OLFM2: variants seen among roughly 807,000 people sequenced by gnomAD.
The protein encoded by OLFM2 is olfactomedin 2, also known as noelin-2.
In OLFM2, 20 loss-of-function variants were observed where a neutral mutation model predicts 43.9. The ratio of observed to expected loss-of-function variants is 0.46; its 90% CI spans 0.32 to 0.66. The LOEUF is 0.66. Among genes scored for constraint, OLFM2 ranks in the 30% least tolerant of loss-of-function variants. OLFM2 has a pLI of 0.04. For synonymous variants in OLFM2, 268 were observed against 278.6 expected, an observed-to-expected ratio of 0.96 and a Z score of 0.38; for missense variants, 416 against 643.6, an observed-to-expected ratio of 0.65 and a Z score of 3.83.
intron 1 of OLFM2, among the ~76,000 whole-genome samples, chr19:9,924,500 C>A (rs547833241): frequency 6.6e-6 from 1 of 151,990 alleles, no homozygotes; most frequent in South Asian, 2.1e-4. Context: ...CTGAAGCCAT[C>A]CTTCCGCCTT....
chr19:9,925,857 G>A lies in OLFM2; in HGVS notation c.63+10447C>T, dbSNP rs186085720. On this transcript the variant is annotated intron_variant, in intron 1 of 5. Transcript: ENST00000264833. ...GCCCAAAGGTGAAAACAACCAGGCC[G>A]GGCGCGGTGGCTCACACCTGTAATC... Among the ~76,000 whole-genome samples, 13 of 151,836 alleles carry A rather than the reference G, an allele frequency of 8.6e-5. No homozygotes were observed. The East Asian group carries it at 1.8e-3, about 21-fold the overall frequency.
intron 1 of OLFM2, among the ~76,000 whole-genome samples, chr19:9,888,958 T>C (rs1050211869): frequency 1.3e-5 from 2 of 151,198 alleles, no homozygotes; most frequent in African/African-American, 2.4e-5. Context: ...CCCAGCTACT[T>C]GGGAGGCTGA....
At chr19:9,914,824 C>G (rs888656882) in intron 1 of OLFM2, among the ~76,000 whole-genome samples, 1 of 152,056 alleles carries the variant, frequency 6.6e-6, no homozygotes, top group African/African-American at 2.4e-5. Flanking sequence ...CTCACGCCCC[C>G]TCCTGGCGTC....
At chr19:9,926,408 C>T (rs1300091179) in intron 1 of OLFM2, among the ~76,000 whole-genome samples, 3 of 151,656 alleles carry the variant, frequency 2.0e-5, no homozygotes, top group Non-Finnish European at 2.9e-5. Context: ...AAAAATTAGC[C>T]GGGCGTGGTG....
At chr19:9,905,405 C>T (rs932076219) in intron 1 of OLFM2, among the ~76,000 whole-genome samples, 6 of 151,864 alleles carry the variant, frequency 4.0e-5, no homozygotes, top group African/African-American at 1.2e-4. Context: ...TGCAGTGAGC[C>T]GAGATTGCGC....
chr19:9,907,582 C>G (rs1304277779), intron 1 of OLFM2, among the ~76,000 whole-genome samples: 1 of 152,166 alleles, frequency 6.6e-6, no homozygotes, highest in African/African-American at 2.4e-5. Flanking sequence ...AAGCCTCTGC[C>G]GTCCAAGAAT....
At chr19:9,908,072 G>C (rs544321006) in intron 1 of OLFM2, among the ~76,000 whole-genome samples, 1 of 151,862 alleles carries the variant, frequency 6.6e-6, no homozygotes, top group Non-Finnish European at 1.5e-5. Context: ...CCCTCCCCAC[G>C]ACATGATATG....
At chr19:9,888,751 G>T (rs1267230581) in intron 1 of OLFM2, among the ~76,000 whole-genome samples, 1 of 152,098 alleles carries the variant, frequency 6.6e-6, no homozygotes, top group East Asian at 1.9e-4. Context: ...GCACACAACA[G>T]GCACCTGGTA....
chr19:9,875,100 G>C (rs915580454), intron 1 of OLFM2, among the ~76,000 whole-genome samples: 3 of 152,218 alleles, frequency 2.0e-5, no homozygotes, highest in African/African-American at 7.2e-5. Context: ...AGATCTAGAA[G>C]AGTTCACGGC....
chr19:9,913,849 G>A (rs914917585), intron 1 of OLFM2: 2 of 199,420 alleles, frequency 1.0e-5, no homozygotes, highest in Admixed American at 6.6e-5. Flanking sequence ...TCGGGCCCCC[G>A]CCCCCTCCCG....
rs1555727615 is a variant in OLFM2, at chr19:9,904,182, G to GTGTGTGTGTA, written c.63+32121_63+32122insTACACACACA. ...TGTGTGTGTGTGTGTGTGTGTGTGT[G>GTGTGTGTGTA]TGTGTGTGTGTGTGTGTGTGTGTTT... On this transcript the variant is annotated intron_variant, in intron 1 of 5. Transcript: ENST00000264833. Among the ~76,000 whole-genome samples, 446 of 151,036 alleles carry GTGTGTGTGTA rather than the reference G, an allele frequency of 3.0e-3. 4 individuals carry two copies. The highest frequency in any genetic ancestry group is 0.011 in the African/African-American group (434 of 41,062).
At chr19:9,894,365 A>G (rs902476139) in intron 1 of OLFM2, among the ~76,000 whole-genome samples, 1 of 140,614 alleles carries the variant, frequency 7.1e-6, no homozygotes. Flanking sequence ...CAACAGAGTG[A>G]GACTCTCTCT....
At position 9,853,941 on chromosome 19, in the gene OLFM2, A is replaced by C; in HGVS notation, c.*245T>G. ...GGAGAACCAGAGCCATAAAAAGAAA[A>C]AGACATCCATAAAAAGGCAGAAAGA... On this transcript the variant is annotated 3_prime_UTR_variant, in exon 6 of 6. Transcript: ENST00000264833. 1.7e-6 allele frequency: 1 copy of C among 579,170 alleles called. No individual in the cohort carries two copies. Among genetic ancestry groups the C allele is most frequent in the South Asian group, 2.2e-5 (1 of 44,604 alleles). The allele number at this position is 579,170 out of a possible 1,614,324, so 35.9% of individuals were successfully genotyped here.
chr19:9,923,627 G>A lies in OLFM2; in HGVS notation c.63+12677C>T, dbSNP rs1265750593. ...AAGGAAAGAAGGAAAGAGAGAGAGA[G>A]AGAAGGAAAGAAAAGGAAAGGAAAG... On this transcript the variant is annotated intron_variant, in intron 1 of 5. Transcript: ENST00000264833. Among the ~76,000 whole-genome samples, 4 of 142,026 alleles carry A rather than the reference G, an allele frequency of 2.8e-5. No homozygotes were observed. In the Admixed American group the frequency reaches 2.9e-4, roughly 10 times the overall value. The allele number at this position is 142,026 out of a possible 152,430, so 93.2% of individuals were successfully genotyped here. A position where few individuals can be genotyped will look rare whatever the true frequency, so the allele number is the denominator to read the frequency against.
intron 1 of OLFM2, among the ~76,000 whole-genome samples, chr19:9,864,059 A>G (rs1246840253): frequency 6.6e-6 from 1 of 152,230 alleles, no homozygotes; most frequent in Non-Finnish European, 1.5e-5. Context: ...CACAGCCAAG[A>G]GCTTTCTCTG....
At chr19:9,884,765 G>T (rs1363866941) in intron 1 of OLFM2, among the ~76,000 whole-genome samples, 2 of 152,076 alleles carry the variant, frequency 1.3e-5, no homozygotes, top group African/African-American at 4.8e-5. Flanking sequence ...TTGCATGGTG[G>T]GTGTCTGCAT....
At chr19:9,904,497 G>A (rs926259994) in intron 1 of OLFM2, among the ~76,000 whole-genome samples, 5 of 151,808 alleles carry the variant, frequency 3.3e-5, no homozygotes, top group Non-Finnish European at 7.4e-5. Flanking sequence ...AGCCCAGTCT[G>A]AGTATTATAC....
chr19:9,933,590 T>C lies in OLFM2; in HGVS notation c.63+2714A>G, dbSNP rs533262668. 3.6e-4 allele frequency among the ~76,000 whole-genome samples: 46 copies of C among 126,952 alleles called. 1 individual carries two copies. In the East Asian group the frequency reaches 8.6e-3, roughly 24 times the overall value. The allele number at this position is 126,952 out of a possible 152,430, so 83.3% of individuals were successfully genotyped here. A position where few individuals can be genotyped will look rare whatever the true frequency, so the allele number is the denominator to read the frequency against. The stretch of plus-strand genomic sequence containing the variant: ...TTTTTTTTTTGAGACAGAGTTTCAC[T>C]CTTGTTGTCCAGGCTGGAGTGCAAT... On this transcript the variant is annotated intron_variant, in intron 1 of 5. Coordinates refer to ENST00000264833, the MANE Select transcript of OLFM2 (RefSeq NM_058164.4).
In OLFM2 at chr19:9,879,281, C is replaced by T. The variant is rs1404752796; in HGVS notation, c.64-18487G>A. Among the ~76,000 whole-genome samples the T allele has an allele frequency of 3.3e-5, 5 of 152,168 alleles. No individual in the cohort carries two copies. In the East Asian group the frequency reaches 7.7e-4, roughly 23 times the overall value. Reference sequence around the variant, plus strand: ...TCAAGTAGTTGGGATTGCAGGCATGCGCCACCACGCCTGGCTAATTTTGTA... The same window carrying T: ...TCAAGTAGTTGGGATTGCAGGCATGTGCCACCACGCCTGGCTAATTTTGTA... On this transcript the variant is annotated intron_variant, in intron 1 of 5. Transcript: ENST00000264833.
Sources: gnomAD v4.1 joint callset for allele counts (sites outside exome capture counted in the v4.1 genomes callset) on GRCh38, gnomAD v4.1.1 for gene constraint, MANE v1.5 for transcripts, NCBI Gene and HGNC (gene_info 2026-07-23, HGNC 2026-07-21) for gene names.